STK17A: variants seen among roughly 807,000 people sequenced by gnomAD.
STK17A encodes serine/threonine-protein kinase 17A.
A neutral mutation model predicts 43.7 loss-of-function variants in STK17A; 26 were observed. The observed-to-expected ratio is 0.60, with a 90% confidence interval of 0.44 to 0.83. STK17A has a LOEUF of 0.83. Ranked by LOEUF, STK17A falls within the 40% of genes least tolerant of loss-of-function variation. STK17A has a pLI of 0.00. For synonymous variants in STK17A, 191 were observed against 182.5 expected (o/e 1.05, Z -0.38); for missense variants, 476 against 511.6 (o/e 0.93, Z 0.67).
chr7:43,596,812 G>A (rs952694635), intron 2 of STK17A, among the ~76,000 whole-genome samples: 1 of 148,000 alleles, frequency 6.8e-6, no homozygotes, highest in African/African-American at 2.5e-5. Flanking sequence ...AGGTTGCAGT[G>A]AGCTGAGATT....
intron 3 of STK17A, among the ~76,000 whole-genome samples, chr7:43,612,814 G>T (rs1313043293): frequency 6.6e-6 from 1 of 152,276 alleles, no homozygotes; most frequent in Non-Finnish European, 1.5e-5. Flanking sequence ...TTCTTGGGGT[G>T]GGGGAGGGAG....
intron 3 of STK17A, among the ~76,000 whole-genome samples, chr7:43,613,779 G>A (rs1401997342): frequency 1.3e-5 from 2 of 152,156 alleles, no homozygotes; most frequent in Admixed American, 1.3e-4. Flanking sequence ...AGGAGTTCGA[G>A]GCTGCAGTGG....
intron 3 of STK17A, among the ~76,000 whole-genome samples, chr7:43,615,413 A>T (rs1206242932): frequency 7.9e-5 from 12 of 151,902 alleles, no homozygotes; most frequent in Admixed American, 7.9e-4. Context: ...CTAAGCTCAA[A>T]CAATCCACTC....
chr7:43,599,637 C>G (rs774598494), intron 2 of STK17A, among the ~76,000 whole-genome samples: 5 of 152,160 alleles, frequency 3.3e-5, no homozygotes, highest in Non-Finnish European at 7.3e-5. Flanking sequence ...TCCAGAGAGA[C>G]AGAACCAATA....
rs2084659227 is a variant in STK17A at position 43,627,251 on chromosome 7, T to C, written c.*2409T>C. The stretch of plus-strand genomic sequence containing the variant: ...TGTTTTGTTGTTTTCAAATGAAAAC[T>C]AGGAGGTAATTAATACCTTTCTCTA... On this transcript the variant is annotated 3_prime_UTR_variant, in exon 7 of 7. Coordinates refer to ENST00000319357, the MANE Select transcript of STK17A (RefSeq NM_004760.3). Among the ~76,000 whole-genome samples the C allele has an allele frequency of 6.6e-6, 1 of 152,214 alleles. No homozygotes were observed. Among genetic ancestry groups the C allele is most frequent in the Non-Finnish European group, 1.5e-5 (1 of 68,040 alleles).
chr7:43,594,183 G>A (rs768199502), intron 1 of STK17A, among the ~76,000 whole-genome samples: 9 of 151,714 alleles, frequency 5.9e-5, no homozygotes, highest in Non-Finnish European at 1.0e-4. Flanking sequence ...ACTTGAGCCC[G>A]GAAGTCCAAG....
chr7:43,611,954 T>C (rs1296603759), intron 3 of STK17A, among the ~76,000 whole-genome samples: 2 of 152,232 alleles, frequency 1.3e-5, no homozygotes, highest in African/African-American at 4.8e-5. Context: ...CCATGTGTCA[T>C]GGATCTTTGA....
chr7:43,583,864 G>C (rs73102722), intron 1 of STK17A, among the ~76,000 whole-genome samples: 22,514 of 152,240 alleles, frequency 0.15, 1,968 homozygotes, highest in Non-Finnish European at 0.2. Flanking sequence ...TTCTTGGTCT[G>C]CCTGTGTGGT....
At chr7:43,617,102 G>C (rs1249416523) in intron 3 of STK17A, among the ~76,000 whole-genome samples, 1 of 152,238 alleles carries the variant, frequency 6.6e-6, no homozygotes, top group African/African-American at 2.4e-5. Context: ...TGGCAAGTAT[G>C]AGACTGGAAA....
chr7:43,583,492 C>T (rs948690287), intron 1 of STK17A, 43 bp downstream of exon 1: 2 of 1,254,816 alleles, frequency 1.6e-6, no homozygotes, highest in African/African-American at 1.6e-5. Context: ...CCCGGACGCG[C>T]GGGGCGGGAC....
At chr7:43,624,405 T>A in intron 6 of STK17A, 113 bp from the exon 7 acceptor site, 1 of 1,036,662 alleles carries the variant, frequency 9.6e-7, no homozygotes, top group Non-Finnish European at 1.3e-6. Context: ...ACAGTAAGAT[T>A]TTTGCCAACT....
intron 3 of STK17A, 144 bp downstream of exon 3, chr7:43,608,544 T>G (rs547606706): frequency 1.1e-6 from 1 of 886,494 alleles, no homozygotes; most frequent in African/African-American, 1.7e-5. Flanking sequence ...ACTCCTATCC[T>G]CTAGCCAGTT....
chr7:43,604,017 A>G lies in STK17A; in HGVS notation c.420-4239A>G, dbSNP rs913977246. ...AAGAGAAGGGATATTTGGCCTATAA[A>G]TGATTGCAGCAATGTTGATGATTTA... On this transcript the variant is annotated intron_variant, in intron 2 of 6. Coordinates refer to ENST00000319357, the MANE Select transcript of STK17A (RefSeq NM_004760.3). Among the ~76,000 whole-genome samples the G allele has an allele frequency of 2.6e-5, 4 of 152,160 alleles. No homozygotes were observed. In the South Asian group the frequency reaches 8.3e-4, roughly 32 times the overall value.
In STK17A at chr7:43,617,950, A is replaced by AGG. The variant is rs751253728; in HGVS notation, c.565-1646_565-1645dup. Among the ~76,000 whole-genome samples the AGG allele has an allele frequency of 3.3e-5, 5 of 152,322 alleles. No individual in the cohort carries two copies. The East Asian group carries it at 9.6e-4, about 29-fold the overall frequency. Reference sequence around the variant, plus strand: ...GAGAAAGATAACATATAAACAAGGAAGGAGTGGTTAACTTTGTCAAACACT... The same window carrying AGG: ...GAGAAAGATAACATATAAACAAGGAAGGGGAGTGGTTAACTTTGTCAAACACT... On this transcript the variant is annotated intron_variant, in intron 3 of 6. Coordinates refer to ENST00000319357, the MANE Select transcript of STK17A (RefSeq NM_004760.3).
At position 43,615,165 on chromosome 7, in the gene STK17A, T is replaced by C. The variant is rs1436729450; in HGVS notation, c.565-4432T>C. Among the ~76,000 whole-genome samples the C allele has an allele frequency of 2.6e-5, 4 of 152,150 alleles. No homozygotes were observed. In the East Asian group the frequency reaches 7.7e-4, roughly 29 times the overall value. On this transcript the variant is annotated intron_variant, in intron 3 of 6. Coordinates refer to ENST00000319357, the MANE Select transcript of STK17A (RefSeq NM_004760.3). The stretch of plus-strand genomic sequence containing the variant: ...GACATTTTGTGGTTACTATAGTTTT[T>C]GTTTTGTTTTTTGTTTGTTTGTTTG...
chr7:43,593,719 GTTT>G (rs1036750909), intron 1 of STK17A, among the ~76,000 whole-genome samples: 4 of 145,640 alleles, frequency 2.7e-5, no homozygotes, highest in African/African-American at 7.4e-5. Flanking sequence ...CAATGAGGTT[GTTT>G]TTTTTTCTCG....
intron 1 of STK17A, among the ~76,000 whole-genome samples, chr7:43,584,900 G>GA (rs1272537132): frequency 2.0e-5 from 3 of 152,120 alleles, no homozygotes; most frequent in African/African-American, 7.2e-5. Flanking sequence ...CCTATTACCT[G>GA]AAAAAAGGAA....
At position 43,596,123 on chromosome 7, in the gene STK17A, G is replaced by A. The variant is rs1295478255; in HGVS notation, c.419+10G>A. ...TCTTAGTTCTGGAATAGTAAGTATT[G>A]TCTTTCTTAGATTAAGTTTGTTTGG... On this transcript the variant is annotated intron_variant, in intron 2 of 6. Transcript: ENST00000319357. 1.3e-6 allele frequency: 2 copies of A among 1,597,588 alleles called. No homozygotes were observed. The highest frequency in any genetic ancestry group is 1.7e-6 in the Non-Finnish European group (2 of 1,169,902).
At chr7:43,624,461 C>T (rs2084266392) in intron 6 of STK17A, 57 bp from the exon 7 acceptor site, 10 of 1,501,846 alleles carry the variant, frequency 6.7e-6, no homozygotes. Flanking sequence ...GTACCTTATG[C>T]TCTAATTTTA....
Sources: gnomAD v4.1 joint callset for allele counts (sites outside exome capture counted in the v4.1 genomes callset) on GRCh38, gnomAD v4.1.1 for gene constraint, MANE v1.5 for transcripts, NCBI Gene and HGNC (gene_info 2026-07-23, HGNC 2026-07-21) for gene names.